The following PCDH11X variants were observed in gnomAD, a reference collection of about 807,000 sequenced individuals.
PCDH11X encodes the protein protocadherin 11 X-linked, also known as protocadherin-11 X-linked.
PCDH11X carries 18 observed loss-of-function variants against 53.3 expected under a neutral mutation model. That is an observed-to-expected ratio of 0.34 (90% CI 0.23 to 0.50). The LOEUF (loss-of-function observed/expected upper bound fraction) is 0.50. Ranked by LOEUF, PCDH11X falls within the 20% of genes least tolerant of loss-of-function variation. The pLI is 0.98. For synonymous variants in PCDH11X, 279 were observed against 393.3 expected, an observed-to-expected ratio of 0.71 and a Z score of 3.44; for missense variants, 570 against 1,032.4, an observed-to-expected ratio of 0.55 and a Z score of 6.14.
intron 6 of PCDH11X, among the ~76,000 whole-genome samples, chrX:91,893,331 G>A (rs1940590649): frequency 9.3e-6 from 1 of 107,629 alleles, no homozygotes; most frequent in Non-Finnish European, 1.9e-5. Context: ...CATATACAAA[G>A]GGGTGAGAGA....
intron 6 of PCDH11X, among the ~76,000 whole-genome samples, chrX:91,975,431 G>A (rs931506564): frequency 9.0e-6 from 1 of 111,359 alleles, no homozygotes; most frequent in African/African-American, 3.3e-5. Flanking sequence ...ATGCTGAATG[G>A]GCAGTTGGAT....
intron 6 of PCDH11X, among the ~76,000 whole-genome samples, chrX:92,034,673 G>A (rs895323501): frequency 5.6e-4 from 62 of 109,891 alleles, no homozygotes; most frequent in African/African-American, 2.1e-3. Flanking sequence ...ACACATCATT[G>A]GGAATTGCTT....
At chrX:92,383,818 T>C (rs2070947449) in intron 8 of PCDH11X, among the ~76,000 whole-genome samples, 1 of 111,958 alleles carries the variant, frequency 8.9e-6, no homozygotes, top group Non-Finnish European at 1.9e-5. Flanking sequence ...TAGAATGATT[T>C]ATAATCCTTT....
chrX:92,147,814 T>TCTTC (rs2065298888), intron 6 of PCDH11X, among the ~76,000 whole-genome samples: 1 of 79,147 alleles, frequency 1.3e-5, no homozygotes, highest in Non-Finnish European at 2.2e-5. Flanking sequence ...TTCCTTCCTT[T>TCTTC]CTTTCTTTCT....
chrX:92,509,563 T>A (rs1569497707), intron 10 of PCDH11X, among the ~76,000 whole-genome samples: 1 of 112,171 alleles, frequency 8.9e-6, no homozygotes, highest in East Asian at 2.8e-4. Context: ...AATCTGAGTT[T>A]CTTATTGATA....
chrX:92,506,230 T>TTTTTTTTTTTTC (rs2074058524), intron 10 of PCDH11X, among the ~76,000 whole-genome samples: 1 of 91,145 alleles, frequency 1.1e-5, no homozygotes, highest in African/African-American at 4.0e-5. Flanking sequence ...TTTTTTTTTT[T>TTTTTTTTTTTTC]TTTTTTTTGC....
intron 6 of PCDH11X, among the ~76,000 whole-genome samples, chrX:92,156,181 A>C: frequency 9.4e-6 from 1 of 106,330 alleles, no homozygotes; most frequent in East Asian, 2.9e-4. Context: ...CAACAAGTAC[A>C]CTCTTAAGAG....
intron 10 of PCDH11X, among the ~76,000 whole-genome samples, chrX:92,555,474 C>T (rs2075031748): frequency 8.9e-6 from 1 of 111,909 alleles, no homozygotes; most frequent in Non-Finnish European, 1.9e-5. Context: ...TATAATAATA[C>T]TGTAATCCTG....
At chrX:92,347,438 A>G (rs2069929880) in intron 8 of PCDH11X, among the ~76,000 whole-genome samples, 1 of 112,107 alleles carries the variant, frequency 8.9e-6, no homozygotes, top group African/African-American at 3.2e-5. Flanking sequence ...TTTGACAGTT[A>G]GAAGACAAAG....
chrX:92,189,355 C>T, intron 6 of PCDH11X, among the ~76,000 whole-genome samples: 1 of 111,697 alleles, frequency 9.0e-6, no homozygotes. Context: ...TAACGGCTTG[C>T]AGCTCGATCC....
At chrX:92,375,167 T>TATA (rs1491474868) in intron 8 of PCDH11X, among the ~76,000 whole-genome samples, 2 of 7,374 alleles carry the variant, frequency 2.7e-4, no homozygotes, top group South Asian at 0.024. Context: ...TATATATATA[T>TATA]TTTTTTTTTT....
At chrX:92,049,994 C>T (rs1019178060) in intron 6 of PCDH11X, among the ~76,000 whole-genome samples, 1 of 111,864 alleles carries the variant, frequency 8.9e-6, no homozygotes, top group East Asian at 2.8e-4. Flanking sequence ...AGGCTGGTCT[C>T]GAACTCCTGA....
chrX:92,070,227 A>T (rs35685946), intron 6 of PCDH11X, among the ~76,000 whole-genome samples: 1 of 111,385 alleles, frequency 9.0e-6, no homozygotes, highest in East Asian at 2.8e-4. Context: ...GTGTTATACT[A>T]GTCTGTGGTT....
At chrX:91,865,623 G>A (rs1184134067) in intron 5 of PCDH11X, among the ~76,000 whole-genome samples, 1 of 111,977 alleles carries the variant, frequency 8.9e-6, no homozygotes, top group Non-Finnish European at 1.9e-5. Flanking sequence ...GTACAGAGGT[G>A]CCATCTGGAA....
At chrX:92,246,235 A>T (rs1438844637) in intron 7 of PCDH11X, among the ~76,000 whole-genome samples, 1 of 111,958 alleles carries the variant, frequency 8.9e-6, no homozygotes, top group African/African-American at 3.2e-5. Context: ...TCACTTATTC[A>T]TAGGCGTTGG....
intron 7 of PCDH11X, among the ~76,000 whole-genome samples, chrX:92,215,482 T>A (rs6522504): frequency 3.9e-4 from 28 of 72,459 alleles, no homozygotes; most frequent in African/African-American, 1.3e-3. Flanking sequence ...ATCTGCAAGG[T>A]GGCAGCGAGG....
intron 6 of PCDH11X, among the ~76,000 whole-genome samples, chrX:91,903,848 A>G (rs1941051931): frequency 9.0e-6 from 1 of 111,053 alleles, no homozygotes; most frequent in Admixed American, 9.7e-5. Context: ...GATAAGGGCC[A>G]GGACTAGGGT....
intron 8 of PCDH11X, among the ~76,000 whole-genome samples, chrX:92,265,567 GTATACA>G (rs1278258741): frequency 2.7e-5 from 3 of 111,871 alleles, no homozygotes; most frequent in Non-Finnish European, 5.6e-5. Context: ...GTGCATGTGT[GTATACA>G]TATACATATA....
In PCDH11X at chrX:91,980,955, G is replaced by GTATATA. The variant is rs766457156; in HGVS notation, c.3033+101695_3033+101700dup. On this transcript the variant is annotated intron_variant, in intron 6 of 10. Coordinates refer to ENST00000682573, the MANE Select transcript of PCDH11X (RefSeq NM_032968.5). ...TACACAGTGTATATATTTTATATAT[G>GTATATA]TATATATATATATATATACACTGAA... Among the ~76,000 whole-genome samples the GTATATA allele has an allele frequency of 5.5e-3, 457 of 83,591 alleles. 6 individuals carry two copies. Among genetic ancestry groups the GTATATA allele is most frequent in the African/African-American group, 0.019 (424 of 22,418 alleles). The allele number at this position is 83,591 out of a possible 115,157, so 72.6% of individuals were successfully genotyped here.
Sources: allele counts gnomAD v4.1 joint callset (sites outside exome capture counted in the v4.1 genomes callset), GRCh38; gene constraint gnomAD v4.1.1; transcripts MANE v1.5; gene names NCBI Gene and HGNC (gene_info 2026-07-23, HGNC 2026-07-21).